The following RPS6KA2 variants were observed in gnomAD, a reference collection of about 807,000 sequenced individuals.
RPS6KA2 encodes ribosomal protein S6 kinase alpha-2.
Under a neutral mutation model 91.8 loss-of-function variants are expected in RPS6KA2, and 42 were observed. The observed-to-expected ratio is 0.46, with a 90% CI of 0.36 to 0.59. The LOEUF (loss-of-function observed/expected upper bound fraction) is 0.59. Among genes scored for constraint, RPS6KA2 ranks in the 20% least tolerant of loss-of-function variants. RPS6KA2 has a pLI of 0.00. For missense variants in RPS6KA2, 798 were observed against 978.5 expected (o/e 0.82, Z 2.46); for synonymous variants, 414 against 393.6 (o/e 1.05, Z -0.61).
At chr6:166,751,945 G>A (rs1791298848) in intron 2 of RPS6KA2, among the ~76,000 whole-genome samples, 1 of 152,110 alleles carries the variant, frequency 6.6e-6, no homozygotes, top group Admixed American at 6.5e-5. Flanking sequence ...ATGGAGCACA[G>A]AGGCCAGACT....
chr6:166,857,663 C>T (rs1365243749), intron 2 of RPS6KA2, among the ~76,000 whole-genome samples: 1 of 152,218 alleles, frequency 6.6e-6, no homozygotes, highest in Non-Finnish European at 1.5e-5. Flanking sequence ...TTGATGACCA[C>T]CTCGGGCTGA....
chr6:166,479,841 CA>C (rs1381178527), intron 10 of RPS6KA2, among the ~76,000 whole-genome samples: 5 of 152,196 alleles, frequency 3.3e-5, no homozygotes, highest in Non-Finnish European at 7.3e-5. Flanking sequence ...TCCAAAAACA[CA>C]AACAGGATAA....
At chr6:166,837,096 G>A (rs1280284396) in intron 2 of RPS6KA2, among the ~76,000 whole-genome samples, 1 of 152,206 alleles carries the variant, frequency 6.6e-6, no homozygotes, top group Admixed American at 6.5e-5. Flanking sequence ...TGCCCCGCCC[G>A]AGGAAGACCG....
At chr6:166,582,474 G>T (rs1252670083) in intron 1 of RPS6KA2, among the ~76,000 whole-genome samples, 1 of 152,208 alleles carries the variant, frequency 6.6e-6, no homozygotes, top group East Asian at 1.9e-4. Flanking sequence ...GTTGGGCGGA[G>T]ATGAATATGC....
chr6:166,460,176 G>A (rs959130670), intron 11 of RPS6KA2, among the ~76,000 whole-genome samples: 6 of 152,236 alleles, frequency 3.9e-5, no homozygotes, highest in African/African-American at 1.4e-4. Flanking sequence ...GCCTGCATCT[G>A]CAGAGAACCG....
intron 1 of RPS6KA2, among the ~76,000 whole-genome samples, chr6:166,615,782 C>A (rs947716772): frequency 6.6e-6 from 1 of 152,186 alleles, no homozygotes; most frequent in Non-Finnish European, 1.5e-5. Flanking sequence ...CACACCCCCC[C>A]AGGATGGGCG....
At chr6:166,696,732 A>T (rs1789369285) in intron 2 of RPS6KA2, among the ~76,000 whole-genome samples, 1 of 152,126 alleles carries the variant, frequency 6.6e-6, no homozygotes, top group African/African-American at 2.4e-5. Flanking sequence ...GGTCTCACCC[A>T]ATCAGTGAAA....
chr6:166,538,598 A>AG (rs777634457), intron 2 of RPS6KA2, 70 bp downstream of exon 2: 5 of 861,360 alleles, frequency 5.8e-6, no homozygotes, highest in East Asian at 2.5e-5. Flanking sequence ...ATTTTCATCC[A>AG]GGGGGGCTCT....
intron 5 of RPS6KA2, among the ~76,000 whole-genome samples, chr6:166,506,373 T>C (rs1782226492): frequency 6.6e-6 from 1 of 152,072 alleles, no homozygotes; most frequent in South Asian, 2.1e-4. Flanking sequence ...CACAGGCGTG[T>C]CATAGCAGCT....
chr6:166,832,631 G>A (rs78960679), intron 2 of RPS6KA2, among the ~76,000 whole-genome samples: 4,154 of 152,274 alleles, frequency 0.027, 193 homozygotes, highest in African/African-American at 0.095. Context: ...AGCATGCTGG[G>A]AGGTCGCAGT....
intron 2 of RPS6KA2, among the ~76,000 whole-genome samples, chr6:166,679,964 C>G (rs536744557): frequency 1.8e-4 from 28 of 152,230 alleles, no homozygotes; most frequent in Non-Finnish European, 3.7e-4. Flanking sequence ...AGAGGTGAAG[C>G]CAGCTGGGCT....
chr6:166,567,618 C>T (rs747631130), intron 1 of RPS6KA2, among the ~76,000 whole-genome samples: 3 of 152,150 alleles, frequency 2.0e-5, no homozygotes, highest in Non-Finnish European at 2.9e-5. Context: ...AGTAGTAAAT[C>T]GGCAGCGGAC....
chr6:166,584,571 T>C (rs1785112419), intron 1 of RPS6KA2, among the ~76,000 whole-genome samples: 1 of 152,212 alleles, frequency 6.6e-6, no homozygotes, highest in African/African-American at 2.4e-5. Flanking sequence ...AATTAATAAA[T>C]GAAAAATGCC....
intron 2 of RPS6KA2, among the ~76,000 whole-genome samples, chr6:166,722,482 C>T (rs947839631): frequency 6.6e-6 from 1 of 152,230 alleles, no homozygotes; most frequent in African/African-American, 2.4e-5. Flanking sequence ...TCTAAAATCA[C>T]CGTGGCCCAC....
At chr6:166,476,221 C>A (rs573684734) in intron 10 of RPS6KA2, among the ~76,000 whole-genome samples, 1 of 152,280 alleles carries the variant, frequency 6.6e-6, no homozygotes, top group East Asian at 1.9e-4. Context: ...GCCAGCAAAG[C>A]CCCGGGGTCT....
chr6:166,630,483 T>G (rs1276696874), upstream of RPS6KA2, among the ~76,000 whole-genome samples: 1 of 152,272 alleles, frequency 6.6e-6, no homozygotes, highest in Non-Finnish European at 1.5e-5. Context: ...GACTAAAGTT[T>G]TGCCATGGGA....
intron 2 of RPS6KA2, among the ~76,000 whole-genome samples, chr6:166,857,164 G>A (rs182762533): frequency 5.3e-5 from 8 of 152,298 alleles, no homozygotes; most frequent in Non-Finnish European, 5.9e-5. Flanking sequence ...GAAACGTAGC[G>A]TTCAGCATCT....
At position 166,595,025 on chromosome 6, in the gene RPS6KA2, A is replaced by G. The variant is rs9356492; in HGVS notation, c.99+31896T>C. Among the ~76,000 whole-genome samples, 182 of 151,970 alleles carry G rather than the reference A, an allele frequency of 1.2e-3. 3 individuals carry two copies. The East Asian group carries it at 0.026, about 22-fold the overall frequency. On this transcript the variant is annotated intron_variant, in intron 1 of 20. Coordinates refer to ENST00000265678, the MANE Select transcript of RPS6KA2 (RefSeq NM_021135.6). Reference sequence around the variant, plus strand: ...TCTTGGTCTTGGTTTTCTCACCCAAATAAACAAAGAAGTTGAAATGAATAA... The same window carrying G: ...TCTTGGTCTTGGTTTTCTCACCCAAGTAAACAAAGAAGTTGAAATGAATAA...
At chr6:166,513,882 C>G (rs1782552434) in intron 3 of RPS6KA2, among the ~76,000 whole-genome samples, 1 of 152,310 alleles carries the variant, frequency 6.6e-6, no homozygotes, top group South Asian at 2.1e-4. Flanking sequence ...TTTAGAGATT[C>G]TTTTCTTCCT....
Sources: allele counts gnomAD v4.1 joint callset (sites outside exome capture counted in the v4.1 genomes callset), GRCh38; gene constraint gnomAD v4.1.1; transcripts MANE v1.5; gene names NCBI Gene and HGNC (gene_info 2026-07-23, HGNC 2026-07-21).